Variants in PCDHGA6 observed in about 807,000 individuals in gnomAD.
PCDHGA6 encodes the protein protocadherin gamma-A6.
A neutral mutation model predicts 60.6 loss-of-function variants in PCDHGA6; 41 were observed. That is an observed-to-expected ratio of 0.68 (90% CI 0.53 to 0.88). The LOEUF is 0.88. Among genes scored for constraint, PCDHGA6 ranks in the 40% least tolerant of loss-of-function variants. The pLI, the probability that PCDHGA6 is intolerant of heterozygous loss-of-function variation, is 0.00. For synonymous variants in PCDHGA6, 594 were observed against 524.4 expected, an observed-to-expected ratio of 1.13 and a Z score of -1.81; for missense variants, 1,312 against 1,203.0, an observed-to-expected ratio of 1.09 and a Z score of -1.34.
At chr5:141,469,700 T>TA (rs1483261429) in intron 1 of PCDHGA6, among the ~76,000 whole-genome samples, 1 of 152,272 alleles carries the variant, frequency 6.6e-6, no homozygotes, top group African/African-American at 2.4e-5. Context: ...TATGACCTAG[T>TA]AATCACACTA....
chr5:141,486,140 C>T lies in PCDHGA6; in HGVS notation c.2425-8667C>T, dbSNP rs759476505. On this transcript the variant is annotated intron_variant, in intron 1 of 3. Coordinates refer to ENST00000517434, the MANE Select transcript of PCDHGA6 (RefSeq NM_018919.3). The surrounding 1 kb of genome is among the most constrained non-coding windows in gnomAD (Gnocchi z 5.0). ...TTACTATGAATTTGATGTGCGGGCT[C>T]GCGATGGGGGTTCTCCAGCCATGGA... 1 of 1,614,164 alleles carries T rather than the reference C, an allele frequency of 6.2e-7. No individual in the cohort carries two copies. The highest frequency in any genetic ancestry group is 1.3e-5 in the African/African-American group (1 of 75,030).
chr5:141,442,298 G>A (rs934210433), intron 1 of PCDHGA6: 2 of 152,564 alleles, frequency 1.3e-5, no homozygotes, highest in African/African-American at 4.8e-5. Flanking sequence ...TCCTGTCTGA[G>A]TCTTTCCCAC....
intron 1 of PCDHGA6, chr5:141,484,946 C>T (rs2154580274): frequency 3.6e-6 from 2 of 561,448 alleles, no homozygotes; most frequent in Non-Finnish European, 6.4e-6. Flanking sequence ...CTCTGCTCAG[C>T]CTATTGGCTG....
chr5:141,487,123 T>C lies in PCDHGA6; in HGVS notation c.2425-7684T>C. 6.2e-7 allele frequency: 1 copy of C among 1,614,086 alleles called. No homozygotes were observed. The highest frequency in any genetic ancestry group is 1.1e-5 in the South Asian group (1 of 91,082). On this transcript the variant is annotated intron_variant, in intron 1 of 3. Coordinates refer to ENST00000517434, the MANE Select transcript of PCDHGA6 (RefSeq NM_018919.3). The surrounding 1 kb of genome is among the most constrained non-coding windows in gnomAD (Gnocchi z 5.0). ...AGCTGGTCATTGTGGTAAAGGATAG[T>C]GGTAGTCCACCACTCTCTACCTCTG...
At chr5:141,425,719 A>G (rs2096890303) in intron 1 of PCDHGA6, among the ~76,000 whole-genome samples, 1 of 152,200 alleles carries the variant, frequency 6.6e-6, no homozygotes. Context: ...TTCCCATACC[A>G]CTTGATGGGG....
At chr5:141,412,932 T>C (rs2095590399) in intron 1 of PCDHGA6, 3 of 453,328 alleles carry the variant, frequency 6.6e-6, no homozygotes, top group South Asian at 1.0e-4. Flanking sequence ...AGTAACTTCT[T>C]AGGACTCTGA....
chr5:141,408,624 A>G, intron 1 of PCDHGA6: 1 of 1,614,016 alleles, frequency 6.2e-7, no homozygotes, highest in Non-Finnish European at 8.5e-7. Flanking sequence ...ATACATTTAG[A>G]AATTTTCGAA....
chr5:141,454,762 G>C (rs889314181), intron 1 of PCDHGA6, among the ~76,000 whole-genome samples: 4 of 115,056 alleles, frequency 3.5e-5, no homozygotes, highest in African/African-American at 6.6e-5. Context: ...ATCTTGACAT[G>C]TTTTTTACAA....
chr5:141,427,998 C>A, intron 1 of PCDHGA6: 1 of 1,600,956 alleles, frequency 6.2e-7, no homozygotes, highest in Non-Finnish European at 8.6e-7. Context: ...TGGCTCCGCA[C>A]TCTTCGATAT....
At chr5:141,468,836 A>G (rs1286137807) in intron 1 of PCDHGA6, among the ~76,000 whole-genome samples, 1 of 152,170 alleles carries the variant, frequency 6.6e-6, no homozygotes, top group East Asian at 1.9e-4. Flanking sequence ...ACTGCACTCC[A>G]GCCTGGGCAA....
intron 1 of PCDHGA6, chr5:141,392,278 G>C (rs2092498621): frequency 6.6e-6 from 1 of 152,148 alleles, no homozygotes; most frequent in Non-Finnish European, 1.5e-5. Flanking sequence ...ATAAAGCTTA[G>C]AGCACAATGG....
Position 141,486,955 on chromosome 5 carries a change from T to A in PCDHGA6, c.2425-7852T>A, listed in dbSNP as rs1459820579. 1.9e-6 allele frequency: 3 copies of A among 1,614,128 alleles called. No individual in the cohort carries two copies. The highest frequency in any genetic ancestry group is 2.5e-6 in the Non-Finnish European group (3 of 1,180,048). ...CTGGCCACCTAATCACAAAGGTGACTGCTGTGGACTTGGATTCAGGTTACA... is the reference window on the plus strand; with the variant it reads ...CTGGCCACCTAATCACAAAGGTGACAGCTGTGGACTTGGATTCAGGTTACA... On this transcript the variant is annotated intron_variant, in intron 1 of 3. Coordinates refer to ENST00000517434, the MANE Select transcript of PCDHGA6 (RefSeq NM_018919.3). This position sits in a 1 kb window ranked among gnomAD's most constrained non-coding sequence, Gnocchi z 5.0.
At chr5:141,430,559 G>C in intron 1 of PCDHGA6, 1 of 418,772 alleles carries the variant, frequency 2.4e-6, no homozygotes. Flanking sequence ...CACCAATCGG[G>C]GAGAGAAAAG....
chr5:141,476,756 C>T lies in PCDHGA6; in HGVS notation c.2425-18051C>T. On this transcript the variant is annotated intron_variant, in intron 1 of 3. Transcript: ENST00000517434. The surrounding 1 kb of genome is among the most constrained non-coding windows in gnomAD (Gnocchi z 7.6). ...ACGGGAGCCTAGTCTCCAGTTAGTGCTGACGGCGTTGGACGGAGGGACCCC... is the reference window on the plus strand; with the variant it reads ...ACGGGAGCCTAGTCTCCAGTTAGTGTTGACGGCGTTGGACGGAGGGACCCC... 3 of 1,613,928 alleles carry T rather than the reference C, an allele frequency of 1.9e-6. No homozygotes were observed. Among genetic ancestry groups the T allele is most frequent in the Non-Finnish European group, 2.5e-6 (3 of 1,180,010 alleles).
chr5:141,408,048 G>C, intron 1 of PCDHGA6: 1 of 1,245,698 alleles, frequency 8.0e-7, no homozygotes, highest in Non-Finnish European at 1.1e-6. Context: ...CTCCCACACA[G>C]AGCCTCCCGG....
At chr5:141,377,347 T>G (rs902378263) in intron 1 of PCDHGA6, 3 of 152,196 alleles carry the variant, frequency 2.0e-5, no homozygotes, top group Non-Finnish European at 2.9e-5. Flanking sequence ...GGTTCACGCC[T>G]GTAATCCCAC....
intron 1 of PCDHGA6, chr5:141,426,776 C>G (rs1258505646): frequency 2.2e-6 from 1 of 456,584 alleles, no homozygotes; most frequent in Admixed American, 2.3e-5. Flanking sequence ...TAGGGCCTCA[C>G]TCTCTCCAGA....
At chr5:141,410,583 G>A (rs1257322419) in intron 1 of PCDHGA6, 1 of 1,610,052 alleles carries the variant, frequency 6.2e-7, no homozygotes, top group African/African-American at 1.3e-5. Context: ...CCTCATGGTG[G>A]GGAGGATTTG....
chr5:141,389,597 G>A (rs372987681), intron 1 of PCDHGA6: 95 of 1,613,008 alleles, frequency 5.9e-5, no homozygotes, highest in Non-Finnish European at 7.5e-5. Context: ...ACGGCTCTGC[G>A]CTCTTCGATA....
Sources: allele counts gnomAD v4.1 joint callset (sites outside exome capture counted in the v4.1 genomes callset), GRCh38; gene constraint gnomAD v4.1.1; non-coding constraint Gnocchi (gnomAD v3.1); transcripts MANE v1.5; gene names NCBI Gene and HGNC (gene_info 2026-07-23, HGNC 2026-07-21).